Variants in ADAMTSL1 observed in about 807,000 individuals in gnomAD.
ADAMTSL1 encodes the protein ADAMTS-like protein 1.
In ADAMTSL1, 126 loss-of-function variants were observed where a neutral mutation model predicts 201.8. That is an observed-to-expected ratio of 0.62 (90% CI 0.54 to 0.72). ADAMTSL1 has a LOEUF of 0.72. ADAMTSL1 is among the 30% of genes least tolerant of loss of function. ADAMTSL1 has a pLI of 0.00. For missense variants in ADAMTSL1, 2,679 were observed against 2,277.8 expected, an observed-to-expected ratio of 1.18 and a Z score of -3.59; for synonymous variants, 1,121 against 903.4, an observed-to-expected ratio of 1.24 and a Z score of -4.32.
chr9:18,809,123 G>A (rs1176185295), intron 20 of ADAMTSL1, among the ~76,000 whole-genome samples: 1 of 152,176 alleles, frequency 6.6e-6, no homozygotes, highest in Non-Finnish European at 1.5e-5. Context: ...GCTGGGGGGA[G>A]ATACACAAAT....
At chr9:17,946,286 A>G (rs541792145) in intron 1 of ADAMTSL1, among the ~76,000 whole-genome samples, 1 of 152,124 alleles carries the variant, frequency 6.6e-6, no homozygotes, top group African/African-American at 2.4e-5. Flanking sequence ...GGCTTGAACC[A>G]TCATGCCGAG....
At chr9:18,115,812 G>A (rs1010600966) in intron 1 of ADAMTSL1, among the ~76,000 whole-genome samples, 18 of 152,060 alleles carry the variant, frequency 1.2e-4, no homozygotes, top group African/African-American at 4.1e-4. Context: ...TACTGATCTG[G>A]GATTCAGACC....
At chr9:18,806,025 G>T (rs903924022) in intron 20 of ADAMTSL1, among the ~76,000 whole-genome samples, 2 of 152,176 alleles carry the variant, frequency 1.3e-5, no homozygotes, top group Admixed American at 6.5e-5. Context: ...AGTCCTTGAA[G>T]TACAACTCAT....
At chr9:18,602,051 G>T (rs1824696029) in intron 4 of ADAMTSL1, among the ~76,000 whole-genome samples, 1 of 152,122 alleles carries the variant, frequency 6.6e-6, no homozygotes, top group Non-Finnish European at 1.5e-5. Context: ...GCAATTGTAA[G>T]CAGGGCAATG....
chr9:18,314,993 T>G (rs1834318289), intron 2 of ADAMTSL1, among the ~76,000 whole-genome samples: 1 of 150,818 alleles, frequency 6.6e-6, no homozygotes, highest in African/African-American at 2.4e-5. Context: ...AGACGGGGTT[T>G]CACCGTGTTA....
intron 2 of ADAMTSL1, among the ~76,000 whole-genome samples, chr9:18,328,940 T>A (rs550560347): frequency 6.6e-6 from 1 of 152,266 alleles, no homozygotes; most frequent in East Asian, 1.9e-4. Flanking sequence ...ACATTTTAGC[T>A]TGGATGATTG....
intron 2 of ADAMTSL1, among the ~76,000 whole-genome samples, chr9:18,513,811 A>G (rs893270794): frequency 6.6e-6 from 1 of 152,166 alleles, no homozygotes; most frequent in Non-Finnish European, 1.5e-5. Context: ...TAGGTGTTCT[A>G]TTGGTGTATA....
At chr9:18,266,214 G>T (rs553982110) in intron 2 of ADAMTSL1, among the ~76,000 whole-genome samples, 5 of 152,228 alleles carry the variant, frequency 3.3e-5, no homozygotes, top group African/African-American at 9.6e-5. Context: ...TTTCTCATTT[G>T]TATTTCTTTG....
At chr9:18,458,541 C>T (rs1356078022) in intron 2 of ADAMTSL1, among the ~76,000 whole-genome samples, 1 of 152,128 alleles carries the variant, frequency 6.6e-6, no homozygotes, top group African/African-American at 2.4e-5. Context: ...AGGTGTCTTC[C>T]TTCATGTCGA....
At chr9:18,278,760 T>G (rs572593412) in intron 2 of ADAMTSL1, among the ~76,000 whole-genome samples, 4 of 152,324 alleles carry the variant, frequency 2.6e-5, no homozygotes, top group South Asian at 4.1e-4. Context: ...CACTTTCCTT[T>G]TTTGCTGATT....
chr9:18,155,284 A>G (rs1441016193), intron 1 of ADAMTSL1, among the ~76,000 whole-genome samples: 1 of 152,074 alleles, frequency 6.6e-6, no homozygotes, highest in Non-Finnish European at 1.5e-5. Context: ...AATTCATTGC[A>G]CTAACTGGAT....
intron 1 of ADAMTSL1, among the ~76,000 whole-genome samples, chr9:18,012,506 G>C (rs903915926): frequency 6.6e-6 from 1 of 152,028 alleles, no homozygotes; most frequent in African/African-American, 2.4e-5. Flanking sequence ...CCCATTTTCC[G>C]GGGCTGGGCT....
rs1025470070 is a variant in ADAMTSL1, at chr9:18,607,901, A to T, written c.475-14342A>T. Among the ~76,000 whole-genome samples the T allele has an allele frequency of 3.3e-5, 5 of 152,208 alleles. No individual in the cohort carries two copies. The South Asian group carries it at 1.0e-3, about 32-fold the overall frequency. ...CTTCATCCATGTCCCTACAAAGGACATGAACTCATCATTTTTTATGACTAC... is the reference window on the plus strand; with the variant it reads ...CTTCATCCATGTCCCTACAAAGGACTTGAACTCATCATTTTTTATGACTAC... On this transcript the variant is annotated intron_variant, in intron 4 of 28. Coordinates refer to ENST00000380548, the MANE Select transcript of ADAMTSL1 (RefSeq NM_001040272.6).
intron 2 of ADAMTSL1, among the ~76,000 whole-genome samples, chr9:18,334,575 T>C (rs1835153717): frequency 6.6e-6 from 1 of 152,188 alleles, no homozygotes; most frequent in Non-Finnish European, 1.5e-5. Flanking sequence ...AGTCAATATT[T>C]TGTTTGATTT....
intron 20 of ADAMTSL1, among the ~76,000 whole-genome samples, chr9:18,813,602 T>C (rs1823648374): frequency 6.6e-6 from 1 of 152,230 alleles, no homozygotes; most frequent in Non-Finnish European, 1.5e-5. Flanking sequence ...ATTGTTTCCT[T>C]GATTATTTTC....
chr9:18,287,460 T>C (rs1237095430), intron 2 of ADAMTSL1, among the ~76,000 whole-genome samples: 1 of 151,724 alleles, frequency 6.6e-6, no homozygotes, highest in Non-Finnish European at 1.5e-5. Context: ...ATTTTACACA[T>C]ATATGTAAAT....
At chr9:17,992,428 C>T (rs552838918) in intron 1 of ADAMTSL1, among the ~76,000 whole-genome samples, 1 of 152,108 alleles carries the variant, frequency 6.6e-6, no homozygotes, top group Non-Finnish European at 1.5e-5. Flanking sequence ...TAAAATTTCG[C>T]CAGTGATGGT....
rs1405086660 is a variant in ADAMTSL1, at chr9:18,394,851, GC to G, written c.208-109976del. Among the ~76,000 whole-genome samples, 3 of 152,088 alleles carry G rather than the reference GC, an allele frequency of 2.0e-5. No individual in the cohort carries two copies. In the East Asian group the frequency reaches 5.8e-4, roughly 29 times the overall value. ...AATGGAACACTTAATCAGCTTTTTT[GC>G]CAAGAGAAAACTTCCCATTATGTTA... On this transcript the variant is annotated intron_variant, in intron 2 of 29. Transcript: ENST00000680146.
At chr9:17,925,744 T>C (rs541127132) in intron 1 of ADAMTSL1, among the ~76,000 whole-genome samples, 32 of 145,158 alleles carry the variant, frequency 2.2e-4, no homozygotes, top group Non-Finnish European at 3.5e-4. Flanking sequence ...TTGGGAGATA[T>C]ACCTAATGCT....
Sources: gnomAD v4.1 joint callset for allele counts (sites outside exome capture counted in the v4.1 genomes callset) on GRCh38, gnomAD v4.1.1 for gene constraint, MANE v1.5 for transcripts, NCBI Gene and HGNC (gene_info 2026-07-23, HGNC 2026-07-21) for gene names.